Variants in TACR3 observed in about 807,000 individuals in gnomAD.
TACR3 encodes neuromedin-K receptor.
TACR3 carries 34 observed loss-of-function variants against 35.0 expected under a neutral mutation model. The ratio of observed to expected loss-of-function variants is 0.97; its 90% CI spans 0.74 to 1.30. The LOEUF is 1.30. Among genes scored for constraint, TACR3 ranks in the 50% most tolerant of loss-of-function variants. The pLI, the probability that TACR3 is intolerant of heterozygous loss-of-function variation, is 0.00. For missense variants in TACR3, 558 were observed against 591.7 expected, an observed-to-expected ratio of 0.94 and a Z score of 0.59; for synonymous variants, 233 against 221.1, an observed-to-expected ratio of 1.05 and a Z score of -0.48.
At chr4:103,716,726 T>C (rs923940068) in intron 1 of TACR3, among the ~76,000 whole-genome samples, 1 of 152,196 alleles carries the variant, frequency 6.6e-6, no homozygotes, top group Non-Finnish European at 1.5e-5. Context: ...CACGGGTCTT[T>C]TGATTTTAGG....
At chr4:103,719,086 T>A in intron 1 of TACR3, 42 bp downstream of exon 1, 7 of 1,612,766 alleles carry the variant, frequency 4.3e-6, no homozygotes, top group Non-Finnish European at 5.9e-6. Flanking sequence ...AGTTCTTTTC[T>A]TTCCCTTCTC....
chr4:103,665,469 A>G (rs779434206), intron 1 of TACR3, among the ~76,000 whole-genome samples: 3 of 152,088 alleles, frequency 2.0e-5, no homozygotes, highest in Non-Finnish European at 4.4e-5. Flanking sequence ...ATAGGCATTC[A>G]ATTTAGATTT....
At chr4:103,632,673 A>G (rs552912375) in intron 3 of TACR3, among the ~76,000 whole-genome samples, 2 of 147,664 alleles carry the variant, frequency 1.4e-5, no homozygotes, top group Admixed American at 6.6e-5. Context: ...GAAGAAATAA[A>G]GAAAAAGAAA....
At chr4:103,676,494 CAGACAA>C (rs1413211707) in intron 1 of TACR3, among the ~76,000 whole-genome samples, 7 of 152,018 alleles carry the variant, frequency 4.6e-5, no homozygotes, top group Non-Finnish European at 8.8e-5. Flanking sequence ...AGACAAGATG[CAGACAA>C]AGACAAACAA....
chr4:103,617,757 G>A (rs868285381), intron 3 of TACR3, among the ~76,000 whole-genome samples: 1 of 152,128 alleles, frequency 6.6e-6, no homozygotes, highest in Non-Finnish European at 1.5e-5. Flanking sequence ...GCAAGAAAAT[G>A]TATAGCAAAC....
Position 103,719,528 on chromosome 4 carries a change from T to G in TACR3, c.148A>C (p.Asn50His), listed in dbSNP as rs1723164802. 1.2e-6 allele frequency: 2 copies of G among 1,608,544 alleles called. No individual in the cohort carries two copies. The highest frequency in any genetic ancestry group is 2.7e-5 in the African/African-American group (2 of 74,826). The change falls in exon 1 of 5, where the codon AAC (asparagine) becomes CAC (histidine). Residue 50 changes from asparagine to histidine, a missense_variant. Coordinates refer to ENST00000304883, the MANE Select transcript of TACR3 (RefSeq NM_001059.3). ...AGCGCGGAAGGGGAGGAGGAGAGGT[T>G]GCCAGCTTGGTCCAGCAGTTGCAGC... is the stretch of plus-strand genomic sequence containing the variant. ...GWLQLLDQAG[N>H]LSSSPSALGL...
At chr4:103,684,514 T>G (rs966375168) in intron 1 of TACR3, among the ~76,000 whole-genome samples, 1 of 152,040 alleles carries the variant, frequency 6.6e-6, no homozygotes, top group Non-Finnish European at 1.5e-5. Context: ...AGAATCTACA[T>G]GATGAAAACT....
In TACR3 at chr4:103,589,369, A is replaced by G. The variant is rs1393366629; in HGVS notation, c.*313T>C. ...TATATCATTTTAATGTCACAAATGT[A>G]TATTGCAATTTGTAAATGAGATAGA... On this transcript the variant is annotated 3_prime_UTR_variant, in exon 5 of 5. Transcript: ENST00000304883. The G allele has an allele frequency of 3.4e-6, 1 of 292,850 alleles. No homozygotes were observed. Among genetic ancestry groups the G allele is most frequent in the African/African-American group, 2.1e-5 (1 of 46,852 alleles). The allele number at this position is 292,850 out of a possible 1,614,324, so 18.1% of individuals were successfully genotyped here. A position where few individuals can be genotyped will look rare whatever the true frequency, so the allele number is the denominator to read the frequency against.
At position 103,658,365 on chromosome 4, in the gene TACR3, GAC is replaced by G; in HGVS notation, c.585_586del (p.Ser196CysfsTer89). The G allele has an allele frequency of 6.2e-7, 1 of 1,613,872 alleles. No homozygotes were observed. Among genetic ancestry groups the G allele is most frequent in the South Asian group, 1.1e-5 (1 of 91,076 alleles). ...AATGACAATCTTGGTTGCTGTAGCA[GAC>G]AGTCTGGGTTTCAAGGGATCAATAA... On this transcript the variant is annotated frameshift_variant, in exon 2 of 5. Coordinates refer to ENST00000304883, the MANE Select transcript of TACR3 (RefSeq NM_001059.3). LOFTEE classifies it high-confidence loss of function.
At chr4:103,606,167 C>G (rs543484248) in intron 3 of TACR3, among the ~76,000 whole-genome samples, 2,135 of 151,676 alleles carry the variant, frequency 0.014, 42 homozygotes, top group African/African-American at 0.049. Context: ...GGGCTCTGTT[C>G]TGTTCCATTG....
chr4:103,701,728 C>A (rs1441004890), intron 1 of TACR3, among the ~76,000 whole-genome samples: 1 of 152,050 alleles, frequency 6.6e-6, no homozygotes, highest in African/African-American at 2.4e-5. Flanking sequence ...CAGAACAGAG[C>A]CCTCAGAAAT....
At chr4:103,687,102 C>T (rs892948917) in intron 1 of TACR3, among the ~76,000 whole-genome samples, 15 of 151,788 alleles carry the variant, frequency 9.9e-5, no homozygotes, top group African/African-American at 3.6e-4. Context: ...ATATGCAAAT[C>T]AATAAATGTA....
chr4:103,620,901 T>TAA (rs60906380), intron 3 of TACR3, among the ~76,000 whole-genome samples: 1 of 151,532 alleles, frequency 6.6e-6, no homozygotes, highest in African/African-American at 2.4e-5. Flanking sequence ...TTTTAAAAAA[T>TAA]AAAGATTCCA....
chr4:103,708,072 G>C (rs1722840330), intron 1 of TACR3, among the ~76,000 whole-genome samples: 1 of 152,196 alleles, frequency 6.6e-6, no homozygotes, highest in Non-Finnish European at 1.5e-5. Flanking sequence ...TCCACCTCTG[G>C]GGGCAGGGCA....
At chr4:103,637,502 G>C (rs1233485913) in intron 3 of TACR3, among the ~76,000 whole-genome samples, 1 of 152,028 alleles carries the variant, frequency 6.6e-6, no homozygotes, top group Non-Finnish European at 1.5e-5. Flanking sequence ...GGCAAAAACT[G>C]GAAGCATTCC....
At chr4:103,610,031 A>G (rs556785154) in intron 3 of TACR3, among the ~76,000 whole-genome samples, 48 of 152,208 alleles carry the variant, frequency 3.2e-4, no homozygotes, top group African/African-American at 1.2e-3. Context: ...GTGGACACTT[A>G]GGTTGATTCC....
chr4:103,613,823 C>G (rs1724567360), intron 3 of TACR3, among the ~76,000 whole-genome samples: 1 of 152,082 alleles, frequency 6.6e-6, no homozygotes, highest in Non-Finnish European at 1.5e-5. Flanking sequence ...TGGCTACCAC[C>G]TCACTATGTG....
In TACR3 at chr4:103,719,260, G is replaced by A. The variant is rs1723155703; in HGVS notation, c.416C>T (p.Thr139Met). The A allele has an allele frequency of 6.2e-7, 1 of 1,614,204 alleles. No individual in the cohort carries two copies. The highest frequency in any genetic ancestry group is 1.7e-5 in the Admixed American group (1 of 60,032). The change falls in exon 1 of 5, where the codon ACG becomes ATG. Residue 139 changes from threonine to methionine, a missense_variant. Physicochemically the swap from Thr to Met is moderately conservative, Grantham distance 81. Coordinates refer to ENST00000304883, the MANE Select transcript of TACR3 (RefSeq NM_001059.3). Reference sequence around the variant, plus strand: ...AAGCGCGTAGATGAAATTGACCAACGTGTTGAAGGCGGCCATGGAGGCGTC... The same window carrying A: ...AAGCGCGTAGATGAAATTGACCAACATGTTGAAGGCGGCCATGGAGGCGTC... ...FSDASMAAFN[T>M]LVNFIYALHS...
At chr4:103,699,271 A>C (rs942857103) in intron 1 of TACR3, among the ~76,000 whole-genome samples, 3 of 152,222 alleles carry the variant, frequency 2.0e-5, no homozygotes, top group South Asian at 2.1e-4. Context: ...TGGAGGAAGA[A>C]TATTTTCTAC....
Sources: allele counts gnomAD v4.1 joint callset (sites outside exome capture counted in the v4.1 genomes callset), GRCh38; gene constraint gnomAD v4.1.1; transcripts MANE v1.5; gene names NCBI Gene and HGNC (gene_info 2026-07-23, HGNC 2026-07-21).